Variants in SPATA16 observed in about 807,000 individuals in gnomAD.
SPATA16 encodes spermatogenesis associated 16.
In SPATA16, 36 loss-of-function variants were observed where a neutral mutation model predicts 63.3. The ratio of observed to expected loss-of-function variants is 0.57; its 90% confidence interval spans 0.44 to 0.75. The LOEUF (loss-of-function observed/expected upper bound fraction) is 0.75. SPATA16 is among the 30% of genes least tolerant of loss of function. The pLI, the probability that SPATA16 is intolerant of heterozygous loss-of-function variation, is 0.00. For missense variants in SPATA16, 646 were observed against 679.3 expected (o/e 0.95, Z 0.54); for synonymous variants, 203 against 216.7 (o/e 0.94, Z 0.56).
In SPATA16 at chr3:172,913,647, G is replaced by A. The variant is rs774142247; in HGVS notation, c.1587+14C>T. 3 of 1,611,164 alleles carry A rather than the reference G, an allele frequency of 1.9e-6. No homozygotes were observed. In the South Asian group the frequency reaches 3.3e-5, roughly 18 times the overall value. On this transcript the variant is annotated intron_variant, in intron 10 of 10. Coordinates refer to ENST00000351008, the MANE Select transcript of SPATA16 (RefSeq NM_031955.6). Reference sequence around the variant, plus strand: ...GAGAATAATAGATCTTTTTCCTTCAGCTCAAAGTTTTACCTTTTGGATCAT... The same window carrying A: ...GAGAATAATAGATCTTTTTCCTTCAACTCAAAGTTTTACCTTTTGGATCAT...
chr3:173,062,075 A>G (rs7628883), intron 2 of SPATA16, among the ~76,000 whole-genome samples: 28,053 of 125,784 alleles, frequency 0.22, 3,433 homozygotes, highest in African/African-American at 0.38. Flanking sequence ...TTTGCCAGGT[A>G]GCCTTAAAAT....
intron 6 of SPATA16, among the ~76,000 whole-genome samples, chr3:172,949,894 ATGTTTG>A (rs1213663208): frequency 6.6e-6 from 1 of 152,130 alleles, no homozygotes; most frequent in Non-Finnish European, 1.5e-5. Flanking sequence ...TGCCATGTGA[ATGTTTG>A]TGTTTATGTA....
chr3:173,038,456 C>T (rs1735763246), intron 3 of SPATA16, among the ~76,000 whole-genome samples: 1 of 152,062 alleles, frequency 6.6e-6, no homozygotes, highest in East Asian at 1.9e-4. Context: ...TTCCAGTTTT[C>T]TTCTAAGCTA....
chr3:173,009,353 G>GT (rs1297340483), intron 4 of SPATA16, among the ~76,000 whole-genome samples: 1 of 152,196 alleles, frequency 6.6e-6, no homozygotes, highest in Non-Finnish European at 1.5e-5. Context: ...TTGCCGTGTC[G>GT]TGGGGGAAAG....
At chr3:173,101,128 G>A (rs1393412205) in intron 2 of SPATA16, among the ~76,000 whole-genome samples, 2 of 152,068 alleles carry the variant, frequency 1.3e-5, no homozygotes, top group African/African-American at 4.8e-5. Context: ...TCAGGCTAGG[G>A]CTTGCTGAGC....
intron 3 of SPATA16, among the ~76,000 whole-genome samples, chr3:173,025,114 C>A (rs1337057351): frequency 6.6e-6 from 1 of 150,954 alleles, no homozygotes; most frequent in East Asian, 2.0e-4. Flanking sequence ...TAGAGAATAT[C>A]TTGGACAATT....
chr3:173,005,327 G>GAAAAAAAA (rs531594936), intron 4 of SPATA16, among the ~76,000 whole-genome samples: 1 of 78,794 alleles, frequency 1.3e-5, no homozygotes, highest in African/African-American at 4.5e-5. Flanking sequence ...TGTCTCAAAA[G>GAAAAAAAA]AAAAAAAAAA....
chr3:173,081,270 C>T (rs537589532), intron 2 of SPATA16, among the ~76,000 whole-genome samples: 30 of 152,262 alleles, frequency 2.0e-4, no homozygotes, highest in African/African-American at 6.3e-4. Flanking sequence ...TTAGATTAAC[C>T]GCTTGTTCCT....
At chr3:172,974,692 T>C (rs1734116070) in intron 5 of SPATA16, among the ~76,000 whole-genome samples, 1 of 152,246 alleles carries the variant, frequency 6.6e-6, no homozygotes, top group Admixed American at 6.5e-5. Flanking sequence ...CTAATTATAT[T>C]GCTTCTTTTT....
At chr3:173,048,741 AAT>A (rs1214080442) in intron 3 of SPATA16, among the ~76,000 whole-genome samples, 1 of 152,140 alleles carries the variant, frequency 6.6e-6, no homozygotes, top group Non-Finnish European at 1.5e-5. Flanking sequence ...CTGCATTATG[AAT>A]AGTTTCTTGT....
chr3:173,117,912 G>A (rs1466866222), intron 1 of SPATA16, among the ~76,000 whole-genome samples, 163 bp from the exon 2 acceptor site: 1 of 152,144 alleles, frequency 6.6e-6, no homozygotes, highest in Non-Finnish European at 1.5e-5. Context: ...TTTAATAGAG[G>A]AGTGTATGTG....
intron 2 of SPATA16, among the ~76,000 whole-genome samples, chr3:173,111,806 T>G (rs1046255507): frequency 6.6e-6 from 1 of 152,140 alleles, no homozygotes; most frequent in African/African-American, 2.4e-5. Context: ...CTGGTGTGGG[T>G]TCAATCATGT....
intron 5 of SPATA16, among the ~76,000 whole-genome samples, chr3:172,960,626 T>C (rs1560079870): frequency 6.6e-6 from 1 of 151,994 alleles, no homozygotes; most frequent in Non-Finnish European, 1.5e-5. Context: ...AGGATGACTG[T>C]ACAAAAGAGA....
At chr3:172,964,607 CT>C (rs1733866817) in intron 5 of SPATA16, among the ~76,000 whole-genome samples, 1 of 152,150 alleles carries the variant, frequency 6.6e-6, no homozygotes, top group Admixed American at 6.6e-5. Flanking sequence ...GCTTGGGACC[CT>C]TTTTTGTCAT....
At chr3:173,005,634 T>C (rs1734928537) in intron 4 of SPATA16, among the ~76,000 whole-genome samples, 1 of 152,172 alleles carries the variant, frequency 6.6e-6, no homozygotes, top group Non-Finnish European at 1.5e-5. Context: ...TCATAGCATA[T>C]CATTCAAAAG....
At chr3:172,916,062 C>T (rs1732476070) in intron 9 of SPATA16, among the ~76,000 whole-genome samples, 1 of 152,092 alleles carries the variant, frequency 6.6e-6, no homozygotes, top group Non-Finnish European at 1.5e-5. Flanking sequence ...AATAACCAGC[C>T]TCTTTCTATG....
intron 2 of SPATA16, among the ~76,000 whole-genome samples, chr3:173,084,292 G>A (rs992509345): frequency 6.6e-6 from 1 of 152,160 alleles, no homozygotes; most frequent in African/African-American, 2.4e-5. Flanking sequence ...TTTATCGTTT[G>A]TTTGTTGGCC....
In SPATA16 at chr3:173,015,141, G is replaced by A. The variant is rs190927432; in HGVS notation, c.848+4345C>T. Among the ~76,000 whole-genome samples the A allele has an allele frequency of 5.2e-3, 761 of 146,058 alleles. 3 individuals are homozygous for A. Among genetic ancestry groups the A allele is most frequent in the Non-Finnish European group, 8.6e-3 (579 of 67,114 alleles). Reference sequence around the variant, plus strand: ...TGCAATGGCACGATCTCCACTCACCGCAAGCCCCGCCTCCTGGGTTCAAGT... The same window carrying A: ...TGCAATGGCACGATCTCCACTCACCACAAGCCCCGCCTCCTGGGTTCAAGT... On this transcript the variant is annotated intron_variant, in intron 4 of 10. Transcript: ENST00000351008.
intron 4 of SPATA16, among the ~76,000 whole-genome samples, chr3:173,012,626 C>G (rs1364291813): frequency 6.6e-6 from 1 of 152,024 alleles, no homozygotes; most frequent in Non-Finnish European, 1.5e-5. Flanking sequence ...TAAAGCTGCA[C>G]CCCTAACATC....
Sources: allele counts gnomAD v4.1 joint callset (sites outside exome capture counted in the v4.1 genomes callset), GRCh38; gene constraint gnomAD v4.1.1; transcripts MANE v1.5; gene names NCBI Gene and HGNC (gene_info 2026-07-23, HGNC 2026-07-21).